LMOD1: variants seen among roughly 807,000 people sequenced by gnomAD.
LMOD1 encodes the protein leiomodin 1, also known as leiomodin-1.
A neutral mutation model predicts 36.5 loss-of-function variants in LMOD1; 8 were observed. The ratio of observed to expected loss-of-function variants is 0.22; its 90% confidence interval spans 0.13 to 0.40. The LOEUF (loss-of-function observed/expected upper bound fraction) is 0.40. Ranked by LOEUF, LMOD1 falls within the 10% of genes least tolerant of loss-of-function variation. LMOD1 has a pLI of 1.00. For synonymous variants in LMOD1, 284 were observed against 288.7 expected, an observed-to-expected ratio of 0.98 and a Z score of 0.17; for missense variants, 630 against 751.1, an observed-to-expected ratio of 0.84 and a Z score of 1.88.
chr1:201,924,646 AAG>A (rs1386349296), intron 1 of LMOD1, among the ~76,000 whole-genome samples: 2 of 148,946 alleles, frequency 1.3e-5, no homozygotes, highest in Non-Finnish European at 3.0e-5. Context: ...TAAAGAAAGA[AAG>A]AGAGAAAGAA....
chr1:201,898,244 T>G lies in LMOD1; in HGVS notation c.*128A>C. 1 of 916,444 alleles carries G rather than the reference T, an allele frequency of 1.1e-6. No individual in the cohort carries two copies. Among genetic ancestry groups the G allele is most frequent in the Non-Finnish European group, 1.8e-6 (1 of 568,970 alleles). 56.8% of individuals were successfully genotyped at this position (916,444 alleles called of 1,614,324 possible). A position where few individuals can be genotyped will look rare whatever the true frequency, so the allele number is the denominator to read the frequency against. ...CCTTGAGCGTGACCCAGGCCTGGAC[T>G]CTCCCATGGCAGAATAGGGACATCC... On this transcript the variant is annotated 3_prime_UTR_variant, in exon 3 of 3. Coordinates refer to ENST00000367288, the MANE Select transcript of LMOD1 (RefSeq NM_012134.3).
intron 1 of LMOD1, among the ~76,000 whole-genome samples, chr1:201,936,452 C>A (rs1030709561): frequency 5.3e-5 from 8 of 152,092 alleles, no homozygotes; most frequent in African/African-American, 1.4e-4. Flanking sequence ...TGATCGGAAC[C>A]CTGCTTACTT....
intron 1 of LMOD1, among the ~76,000 whole-genome samples, chr1:201,937,533 G>A (rs1029173451): frequency 6.6e-6 from 1 of 152,092 alleles, no homozygotes; most frequent in African/African-American, 2.4e-5. Context: ...GGAGATTGAG[G>A]TGGGCAGATC....
chr1:201,907,206 G>A (rs1283239991), intron 1 of LMOD1, among the ~76,000 whole-genome samples: 1 of 152,172 alleles, frequency 6.6e-6, no homozygotes, highest in East Asian at 1.9e-4. Context: ...TCCCAGCTCT[G>A]CCCCTAACTA....
intron 1 of LMOD1, among the ~76,000 whole-genome samples, chr1:201,902,508 G>A (rs1356448376): frequency 4.0e-5 from 6 of 151,882 alleles, no homozygotes; most frequent in South Asian, 2.1e-4. Context: ...GTGTGATGGC[G>A]CAATCTTGAC....
chr1:201,902,991 T>C (rs1004579032), intron 1 of LMOD1, among the ~76,000 whole-genome samples: 7 of 151,900 alleles, frequency 4.6e-5, no homozygotes, highest in African/African-American at 1.7e-4. Context: ...CCCCTAAAGG[T>C]TTTTCAAGAG....
Position 201,900,388 on chromosome 1 carries a change from C to T in LMOD1, c.625G>A (p.Glu209Lys). ...GLSRDKDKKR[E>K]EMKEVAKKED... ...TTCTTGGCCACCTCCTTCATCTCCT[C>T]TCTCTTTTTATCCTTGTCCCTGCTC... The change falls in exon 2 of 3, where the codon GAG becomes AAG. Residue 209 changes from glutamate (E) to lysine (K), a missense_variant. Glu to Lys is a moderately conservative substitution (Grantham distance 56). Transcript: ENST00000367288. The T allele has an allele frequency of 1.9e-6, 3 of 1,562,502 alleles. No homozygotes were observed. The highest frequency in any genetic ancestry group is 2.6e-6 in the Non-Finnish European group (3 of 1,152,522).
In LMOD1 at chr1:201,896,641, A is replaced by G. The variant is rs1681200436; in HGVS notation, c.*1731T>C. On this transcript the variant is annotated 3_prime_UTR_variant, in exon 3 of 3. Transcript: ENST00000367288. Reference sequence around the variant, plus strand: ...CACAGGGGGGTGCAGTGGGACTGACAGTGAGGGCTGACAGTGGAAGCTCTA... The same window carrying G: ...CACAGGGGGGTGCAGTGGGACTGACGGTGAGGGCTGACAGTGGAAGCTCTA... 2.2e-6 allele frequency: 1 copy of G among 456,576 alleles called. No homozygotes were observed. The highest frequency in any genetic ancestry group is 2.3e-5 in the Admixed American group (1 of 42,560). The allele number at this position is 456,576 out of a possible 1,614,324, so 28.3% of individuals were successfully genotyped here. A position where few individuals can be genotyped will look rare whatever the true frequency, so the allele number is the denominator to read the frequency against.
At chr1:201,941,174 C>A (rs1298771955) in intron 1 of LMOD1, among the ~76,000 whole-genome samples, 1 of 151,774 alleles carries the variant, frequency 6.6e-6, no homozygotes, top group East Asian at 1.9e-4. Context: ...CCAGGCTAGT[C>A]TCGAGCTCCT....
At chr1:201,924,216 C>T (rs1215232947) in intron 1 of LMOD1, among the ~76,000 whole-genome samples, 1 of 149,938 alleles carries the variant, frequency 6.7e-6, no homozygotes, top group Non-Finnish European at 1.5e-5. Flanking sequence ...CCCAGCTACT[C>T]AGCAGGCTGA....
intron 1 of LMOD1, among the ~76,000 whole-genome samples, chr1:201,901,656 ATG>A (rs1268576666): frequency 1.3e-5 from 1 of 79,250 alleles, no homozygotes; most frequent in African/African-American, 4.8e-5. Flanking sequence ...ATACATATAT[ATG>A]TGTATATATA....
intron 1 of LMOD1, among the ~76,000 whole-genome samples, chr1:201,917,967 A>AG (rs1681638552): frequency 6.6e-6 from 1 of 152,232 alleles, no homozygotes; most frequent in South Asian, 2.1e-4. Context: ...GCAGTGCTCC[A>AG]GGGCCCCATG....
chr1:201,942,342 G>A (rs1295201646), intron 1 of LMOD1, among the ~76,000 whole-genome samples: 2 of 152,254 alleles, frequency 1.3e-5, no homozygotes, highest in Non-Finnish European at 2.9e-5. Flanking sequence ...ACTGGTATTG[G>A]AGCGCTCAGA....
chr1:201,900,046 C>T lies in LMOD1; in HGVS notation c.967G>A (p.Glu323Lys), dbSNP rs1247983170. ...TCGGGGTCATTGTTCTTCACTCTCT[C>T]CAGAGGCTCATCAAATATGCTGGGA... ...AAPSIFDEPL[E>K]RVKNNDPEMT... Residue 323 changes from glutamate (E) to lysine (K), a missense_variant, in exon 2 of 3, where the codon GAG (glutamate) becomes AAG (lysine). Physicochemically the swap from Glu to Lys is moderately conservative, Grantham distance 56. Around this residue, in one of 3 missense-constraint regions of LMOD1, gnomAD observed 405 missense variants for 400.6 expected, o/e 1.01. Transcript: ENST00000367288. 1 of 1,613,832 alleles carries T rather than the reference C, an allele frequency of 6.2e-7. No homozygotes were observed. Among genetic ancestry groups the T allele is most frequent in the East Asian group, 2.2e-5 (1 of 44,870 alleles).
chr1:201,923,483 G>A (rs1369447052), intron 1 of LMOD1, among the ~76,000 whole-genome samples: 1 of 152,162 alleles, frequency 6.6e-6, no homozygotes, highest in Non-Finnish European at 1.5e-5. Flanking sequence ...CTACTCAGGA[G>A]TCTGAGGCAG....
intron 1 of LMOD1, among the ~76,000 whole-genome samples, chr1:201,908,904 C>G (rs1274797964): frequency 1.3e-5 from 2 of 152,234 alleles, no homozygotes; most frequent in Non-Finnish European, 2.9e-5. Context: ...ACCTTAGGCC[C>G]TGTTGATAGA....
intron 1 of LMOD1, among the ~76,000 whole-genome samples, chr1:201,905,943 C>T (rs182299701): frequency 1.3e-5 from 2 of 152,320 alleles, no homozygotes; most frequent in Admixed American, 1.3e-4. Context: ...AAAGCAAGAC[C>T]GAGGTGATGG....
At chr1:201,939,495 T>C (rs1187326128) in intron 1 of LMOD1, among the ~76,000 whole-genome samples, 1 of 152,208 alleles carries the variant, frequency 6.6e-6, no homozygotes, top group Non-Finnish European at 1.5e-5. Context: ...ACCTATCTGA[T>C]TCCAGACACC....
At chr1:201,921,959 CAA>C (rs34830505) in intron 1 of LMOD1, among the ~76,000 whole-genome samples, 8 of 147,582 alleles carry the variant, frequency 5.4e-5, no homozygotes, top group Non-Finnish European at 7.5e-5. Flanking sequence ...GATTCCATCT[CAA>C]AAAAAAAAAG....
Sources: gnomAD v4.1 joint callset for allele counts (sites outside exome capture counted in the v4.1 genomes callset) on GRCh38, gnomAD v4.1.1 for gene constraint, gnomAD v4.1.1 regional missense constraint, MANE v1.5 for transcripts, NCBI Gene and HGNC (gene_info 2026-07-23, HGNC 2026-07-21) for gene names.